Variants in GNE observed in about 807,000 individuals in gnomAD.
GNE encodes glucosamine (UDP-N-acetyl)-2-epimerase/N-acetylmannosamine kinase.
In GNE, 41 loss-of-function variants were observed where a neutral mutation model predicts 61.8. The ratio of observed to expected loss-of-function variants is 0.66; its 90% CI spans 0.52 to 0.86. The LOEUF is 0.86. Ranked by LOEUF, GNE falls within the 40% of genes least tolerant of loss-of-function variation. GNE has a pLI of 0.00. For synonymous variants in GNE, 264 were observed against 326.4 expected, an observed-to-expected ratio of 0.81 and a Z score of 2.06; for missense variants, 608 against 909.1, an observed-to-expected ratio of 0.67 and a Z score of 4.26.
intron 5 of GNE, among the ~76,000 whole-genome samples, chr9:36,232,334 C>A (rs1230891995): frequency 4.1e-5 from 4 of 98,298 alleles, no homozygotes; most frequent in African/African-American, 1.4e-4. Context: ...TCTTGCCCCC[C>A]CGCCCCCCCT....
At chr9:36,275,582 T>A (rs1254402420) in intron 1 of GNE, among the ~76,000 whole-genome samples, 1 of 152,174 alleles carries the variant, frequency 6.6e-6, no homozygotes, top group Non-Finnish European at 1.5e-5. Context: ...CAGGCCATAT[T>A]TTTAAAGTCA....
chr9:36,256,438 T>G lies in GNE; in HGVS notation c.-43+1883A>C, dbSNP rs549795516. Among the ~76,000 whole-genome samples the G allele has an allele frequency of 1.5e-4, 23 of 151,084 alleles. No individual in the cohort carries two copies. The South Asian group carries it at 4.8e-3, about 32-fold the overall frequency. ...TTTTGTATTTTTAGTAGAGATGAGG[T>G]TTCATCATGTTGGCCAGGCTGGTCT... On this transcript the variant is annotated intron_variant, in intron 1 of 11. Transcript: ENST00000642385.
rs555427387 is a variant in GNE, at chr9:36,233,432, C to T, written c.982+488G>A. Among the ~76,000 whole-genome samples the T allele has an allele frequency of 5.3e-3, 804 of 152,184 alleles. 9 individuals carry two copies. The highest frequency in any genetic ancestry group is 0.018 in the African/African-American group (750 of 41,532). On this transcript the variant is annotated intron_variant, in intron 5 of 11. Transcript: ENST00000642385. The stretch of plus-strand genomic sequence containing the variant: ...CTGTAATCCCAGCACTTTGGGAGGC[C>T]GAGGTGGGCGGATCACGAGGTCAGG...
At chr9:36,272,514 G>C (rs1831066129) in intron 1 of GNE, among the ~76,000 whole-genome samples, 1 of 150,134 alleles carries the variant, frequency 6.7e-6, no homozygotes, top group South Asian at 2.1e-4. Flanking sequence ...CCAGCTACTA[G>C]GGAGGCTGAG....
upstream of GNE, chr9:36,258,614 T>C (rs183468942): frequency 8.9e-6 from 6 of 677,340 alleles, no homozygotes; most frequent in East Asian, 5.4e-4. Context: ...GCAGGCAGGG[T>C]GCTGACCAGC....
intron 1 of GNE, among the ~76,000 whole-genome samples, chr9:36,250,001 GT>G (rs1830055366): frequency 6.6e-6 from 1 of 152,100 alleles, no homozygotes; most frequent in Non-Finnish European, 1.5e-5. Context: ...ATCAGCTCTT[GT>G]TTAAAAGGTG....
chr9:36,229,746 G>A (rs1829054528), intron 5 of GNE, among the ~76,000 whole-genome samples: 1 of 152,110 alleles, frequency 6.6e-6, no homozygotes, highest in African/African-American at 2.4e-5. Flanking sequence ...TGAGAAGGCA[G>A]GAGTGGTTGG....
intron 3 of GNE, among the ~76,000 whole-genome samples, chr9:36,239,877 ATTATT>A (rs928345828): frequency 9.9e-5 from 15 of 151,420 alleles, no homozygotes; most frequent in African/African-American, 3.6e-4. Flanking sequence ...ATTTCATTTT[ATTATT>A]TTATTTTACT....
chr9:36,270,750 C>A (rs1486474233), intron 1 of GNE, among the ~76,000 whole-genome samples: 1 of 152,048 alleles, frequency 6.6e-6, no homozygotes, highest in Non-Finnish European at 1.5e-5. Flanking sequence ...ATCTCCTGAC[C>A]TCGTGATCCG....
chr9:36,254,430 G>C (rs150652005), intron 1 of GNE, among the ~76,000 whole-genome samples: 5 of 152,170 alleles, frequency 3.3e-5, no homozygotes, highest in Non-Finnish European at 7.4e-5. Context: ...TATTTGGGAG[G>C]CTGAGGCAGG....
rs1298149704 is a variant in GNE at position 36,266,211 on chromosome 9, A to G, written c.51+10683T>C. ...CTCCCAAAGTGTTGCGATTACAGGC[A>G]TAAGCCACCGCGCCCGACCTGGCCT... is the stretch of plus-strand genomic sequence containing the variant. On this transcript the variant is annotated intron_variant, in intron 1 of 11. Transcript: ENST00000396594. Among the ~76,000 whole-genome samples, 5 of 152,132 alleles carry G rather than the reference A, an allele frequency of 3.3e-5. No individual in the cohort carries two copies. The South Asian group carries it at 6.2e-4, about 19-fold the overall frequency.
rs1334469271 is a variant in GNE at position 36,218,237 on chromosome 9, G to A, written c.1879C>T (p.Leu627Phe). The change falls in exon 11 of 12, where the codon CTC (leucine) becomes TTC (phenylalanine). Residue 627 changes from leucine to phenylalanine, a missense_variant. By Grantham distance (22) the Leu-to-Phe change is conservative. Transcript: ENST00000642385. This position sits in a 1 kb window ranked among gnomAD's most constrained non-coding sequence, Gnocchi z 4.1. ...PKDEAVGALH[L>F]IQAAKLGNAK... is the part of the protein sequence containing the mutation. ...TTGCCAAGTTTCGCAGCTTGGATGA[G>A]ATGGAGCGCACCCACAGCCTCATCT... 1 of 1,614,078 alleles carries A rather than the reference G, an allele frequency of 6.2e-7. No individual in the cohort carries two copies. The highest frequency in any genetic ancestry group is 1.1e-5 in the South Asian group (1 of 91,082).
chr9:36,228,742 T>C (rs1184516853), intron 6 of GNE, among the ~76,000 whole-genome samples: 1 of 137,186 alleles, frequency 7.3e-6, no homozygotes, highest in Non-Finnish European at 1.5e-5. Flanking sequence ...TGCAGTGAGC[T>C]GAGATGGCGC....
In GNE at chr9:36,219,922, C is replaced by G. The variant is rs778579770; in HGVS notation, c.1732G>C (p.Asp578His). Residue 578 changes from aspartate (D) to histidine (H), a missense_variant, in exon 10 of 12, where the codon GAT (aspartate) becomes CAT (histidine). Asp to His is a moderately conservative substitution (Grantham distance 81, BLOSUM62 -1). Coordinates refer to ENST00000642385, the MANE Select transcript of GNE (RefSeq NM_005476.7). The stretch of plus-strand genomic sequence containing the variant: ...CACCCATGGCTTCCACAGGAACAAT[C>G]AGGCCCATCCAGAGACACAACAAGG... ...GHLVVSLDGP[D>H]CSCGSHGCIE... The G allele has an allele frequency of 3.1e-6, 5 of 1,614,176 alleles. No individual in the cohort carries two copies. In the Admixed American group the frequency reaches 6.7e-5, roughly 22 times the overall value.
intron 1 of GNE, among the ~76,000 whole-genome samples, chr9:36,274,466 C>G (rs1243526991): frequency 1.3e-5 from 2 of 152,008 alleles, no homozygotes; most frequent in African/African-American, 4.8e-5. Context: ...TGCCCATGTA[C>G]CTAGTCTTCT....
chr9:36,225,668 T>G (rs1428517670), intron 7 of GNE, among the ~76,000 whole-genome samples: 1 of 152,098 alleles, frequency 6.6e-6, no homozygotes, highest in East Asian at 1.9e-4. Context: ...CTGGGCACAG[T>G]GGCATGTGCC....
intron 1 of GNE, among the ~76,000 whole-genome samples, chr9:36,252,659 T>A (rs759867588): frequency 4.6e-5 from 7 of 152,142 alleles, no homozygotes; most frequent in Non-Finnish European, 1.0e-4. Context: ...AAAATAAAAT[T>A]AAGGTAAAAT....
chr9:36,264,977 G>T, intron 1 of GNE: 1 of 233,930 alleles, frequency 4.3e-6, no homozygotes, highest in Non-Finnish European at 8.4e-6. Flanking sequence ...TTTGTACCGT[G>T]TTTGTTACCG....
intron 6 of GNE, 143 bp downstream of exon 6, chr9:36,228,878 T>A: frequency 6.2e-6 from 4 of 646,000 alleles, no homozygotes; most frequent in Non-Finnish European, 5.9e-6. Flanking sequence ...ATATTAGCAA[T>A]CCCTGTCTCC....
Sources: gnomAD v4.1 joint callset for allele counts (sites outside exome capture counted in the v4.1 genomes callset) on GRCh38, gnomAD v4.1.1 for gene constraint, Gnocchi (gnomAD v3.1) non-coding constraint, MANE v1.5 for transcripts, NCBI Gene and HGNC (gene_info 2026-07-23, HGNC 2026-07-21) for gene names.